Variants in CDH2 observed in about 807,000 individuals in gnomAD.
The protein encoded by CDH2 is cadherin-2.
A neutral mutation model predicts 92.0 loss-of-function variants in CDH2; 17 were observed. The observed-to-expected ratio is 0.18, with a 90% confidence interval of 0.13 to 0.28. The LOEUF is 0.28. Ranked by LOEUF, CDH2 falls within the 10% of genes least tolerant of loss-of-function variation. CDH2 has a pLI of 1.00. For missense variants in CDH2, 862 were observed against 1,133.1 expected (o/e 0.76, Z 3.44); for synonymous variants, 419 against 415.9 (o/e 1.01, Z -0.09).
At chr18:28,174,046 T>C (rs887653742) in intron 1 of CDH2, among the ~76,000 whole-genome samples, 7 of 152,092 alleles carry the variant, frequency 4.6e-5, no homozygotes, top group African/African-American at 1.7e-4. Flanking sequence ...TATGTAAATC[T>C]ACATAACAAG....
intron 2 of CDH2, among the ~76,000 whole-genome samples, chr18:28,104,798 T>C (rs1344592478): frequency 1.3e-5 from 2 of 151,926 alleles, no homozygotes; most frequent in Non-Finnish European, 2.9e-5. Flanking sequence ...GGTAATCAAA[T>C]GCTTTTTCGC....
At chr18:28,038,666 G>A (rs2013888272) in intron 2 of CDH2, among the ~76,000 whole-genome samples, 1 of 151,978 alleles carries the variant, frequency 6.6e-6, no homozygotes, top group South Asian at 2.1e-4. Context: ...CTTATTGACA[G>A]AAAACATCTG....
At chr18:28,173,825 T>C (rs2016498343) in intron 1 of CDH2, among the ~76,000 whole-genome samples, 1 of 152,192 alleles carries the variant, frequency 6.6e-6, no homozygotes, top group Non-Finnish European at 1.5e-5. Flanking sequence ...ATTTTTTTTC[T>C]TAACAATAAA....
chr18:27,996,319 T>C (rs907201896), intron 7 of CDH2, among the ~76,000 whole-genome samples: 14 of 152,090 alleles, frequency 9.2e-5, no homozygotes, highest in African/African-American at 3.4e-4. Context: ...ACTCCTTAGT[T>C]GTGACAACCA....
intron 7 of CDH2, among the ~76,000 whole-genome samples, chr18:28,000,199 G>A (rs1430470139): frequency 6.6e-6 from 1 of 152,074 alleles, no homozygotes; most frequent in Admixed American, 6.6e-5. Context: ...GACCTCCCAG[G>A]CTCAGGTGAT....
chr18:28,169,757 T>G (rs2016436985), intron 1 of CDH2, among the ~76,000 whole-genome samples: 1 of 152,228 alleles, frequency 6.6e-6, no homozygotes, highest in Admixed American at 6.5e-5. Flanking sequence ...ACCATATGTA[T>G]AATAGCAACT....
In CDH2 at chr18:28,036,539, A is replaced by C. The variant is rs765746327; in HGVS notation, c.173-22630T>G. ...GTGAAGATACACACATAACGCCTTA[A>C]TAAAAACATGCCATCAAGTTTCCAT... On this transcript the variant is annotated intron_variant, in intron 2 of 15. Coordinates refer to ENST00000269141, the MANE Select transcript of CDH2 (RefSeq NM_001792.5). The C allele has an allele frequency of 1.9e-6, 3 of 1,604,164 alleles. No individual in the cohort carries two copies. In the African/African-American group the frequency reaches 4.0e-5, roughly 21 times the overall value.
intron 2 of CDH2, among the ~76,000 whole-genome samples, chr18:28,047,507 T>A (rs2144119343): frequency 6.6e-6 from 1 of 152,094 alleles, no homozygotes; most frequent in South Asian, 2.1e-4. Flanking sequence ...AAGCAGAGTG[T>A]TCATTTGATC....
intron 2 of CDH2, among the ~76,000 whole-genome samples, chr18:28,079,027 G>A (rs968385055): frequency 6.6e-6 from 1 of 152,086 alleles, no homozygotes; most frequent in Admixed American, 6.6e-5. Context: ...AAGTCTTCAG[G>A]AATGTTTCTC....
intron 2 of CDH2, among the ~76,000 whole-genome samples, chr18:28,025,527 T>TA (rs755656925): frequency 1.3e-3 from 188 of 148,170 alleles, no homozygotes; most frequent in Non-Finnish European, 2.2e-3. Context: ...AGAAAAAAAA[T>TA]AATAATAATA....
rs1909471913 is a variant in CDH2 at position 27,951,856 on chromosome 18, T to C, written c.*297A>G. On this transcript the variant is annotated 3_prime_UTR_variant, in exon 16 of 16. Transcript: ENST00000269141. ...TTTTACTTATCGTTTCAGAAATCAG[T>C]ACCATTAAAGCCTTAAACAGAAAAC... is the stretch of plus-strand genomic sequence containing the variant. 1 of 323,712 alleles carries C rather than the reference T, an allele frequency of 3.1e-6. No individual in the cohort carries two copies. 20.1% of individuals were successfully genotyped at this position (323,712 alleles called of 1,614,324 possible).
chr18:28,141,747 C>T (rs758079156), intron 2 of CDH2, among the ~76,000 whole-genome samples: 2 of 151,986 alleles, frequency 1.3e-5, no homozygotes, highest in Non-Finnish European at 2.9e-5. Context: ...TCCAATAGAT[C>T]ATTAGCTCCT....
chr18:27,949,441 T>C (rs1167500528), downstream of CDH2, among the ~76,000 whole-genome samples: 1 of 151,866 alleles, frequency 6.6e-6, no homozygotes, highest in Non-Finnish European at 1.5e-5. Context: ...AGCAAAAAAA[T>C]TGGGAACAAC....
At chr18:28,074,160 T>C (rs972925377) in intron 2 of CDH2, among the ~76,000 whole-genome samples, 3 of 152,156 alleles carry the variant, frequency 2.0e-5, no homozygotes, top group African/African-American at 7.2e-5. Flanking sequence ...AAAGTAGTCA[T>C]GTAAAGGTGA....
chr18:28,054,327 T>C (rs966851781), intron 2 of CDH2, among the ~76,000 whole-genome samples: 3 of 152,140 alleles, frequency 2.0e-5, no homozygotes, highest in African/African-American at 7.2e-5. Flanking sequence ...AGTTCTAACC[T>C]AGATAAAATT....
chr18:28,102,845 C>T (rs1396806268), intron 2 of CDH2, among the ~76,000 whole-genome samples: 4 of 151,402 alleles, frequency 2.6e-5, no homozygotes, highest in African/African-American at 7.3e-5. Flanking sequence ...AAATAGGCTA[C>T]AGTTTATGGT....
intron 15 of CDH2, among the ~76,000 whole-genome samples, chr18:27,962,226 T>C (rs2011424441): frequency 6.6e-6 from 1 of 152,214 alleles, no homozygotes; most frequent in African/African-American, 2.4e-5. Flanking sequence ...TGGCATTCTG[T>C]TGTTTTTGCT....
At chr18:28,022,807 G>A (rs976120322) in intron 2 of CDH2, among the ~76,000 whole-genome samples, 1 of 151,986 alleles carries the variant, frequency 6.6e-6, no homozygotes, top group Non-Finnish European at 1.5e-5. Flanking sequence ...AATAACACAA[G>A]TGAATCATTT....
intron 2 of CDH2, among the ~76,000 whole-genome samples, chr18:28,016,095 T>A (rs1049241619): frequency 1.3e-5 from 2 of 152,240 alleles, no homozygotes; most frequent in Non-Finnish European, 2.9e-5. Flanking sequence ...GATTTCGGCC[T>A]ATGCCCTCAT....
Sources: gnomAD v4.1 joint callset for allele counts (sites outside exome capture counted in the v4.1 genomes callset) on GRCh38, gnomAD v4.1.1 for gene constraint, MANE v1.5 for transcripts, NCBI Gene and HGNC (gene_info 2026-07-23, HGNC 2026-07-21) for gene names.